PLPPR1: variants seen among roughly 807,000 people sequenced by gnomAD.
PLPPR1 encodes phospholipid phosphatase related 1, also known as phospholipid phosphatase-related protein type 1.
In PLPPR1, 10 loss-of-function variants were observed where a neutral mutation model predicts 33.1. The observed-to-expected ratio is 0.30, with a 90% confidence interval of 0.19 to 0.51. The LOEUF is 0.51. Among genes scored for constraint, PLPPR1 ranks in the 20% least tolerant of loss-of-function variants. The pLI is 0.97. For synonymous variants in PLPPR1, 151 were observed against 151.0 expected, an observed-to-expected ratio of 1.00 and a Z score of 0.00; for missense variants, 304 against 408.1, an observed-to-expected ratio of 0.74 and a Z score of 2.20.
intron 1 of PLPPR1, among the ~76,000 whole-genome samples, chr9:101,139,144 A>T (rs377096720): frequency 6.6e-6 from 1 of 152,206 alleles, no homozygotes; most frequent in Non-Finnish European, 1.5e-5. Context: ...ATGAAAAAAA[A>T]ACTACCCATT....
chr9:101,231,216 A>T (rs570408061), intron 2 of PLPPR1, among the ~76,000 whole-genome samples: 2 of 152,012 alleles, frequency 1.3e-5, no homozygotes, highest in South Asian at 4.1e-4. Flanking sequence ...CACCATGCCC[A>T]GTCCTTTCAC....
At chr9:101,172,346 T>G (rs1825954483) in intron 1 of PLPPR1, among the ~76,000 whole-genome samples, 2 of 109,706 alleles carry the variant, frequency 1.8e-5, no homozygotes, top group Non-Finnish European at 4.5e-5. Flanking sequence ...ACAGACACAC[T>G]AAAGGGGAAA....
At chr9:101,044,845 A>G (rs141976532) in intron 1 of PLPPR1, among the ~76,000 whole-genome samples, 203 of 152,320 alleles carry the variant, frequency 1.3e-3, no homozygotes, top group African/African-American at 4.6e-3. Flanking sequence ...TGGCATTCAT[A>G]CAGGGAATCT....
At chr9:101,285,909 C>A (rs894810406) in intron 3 of PLPPR1, among the ~76,000 whole-genome samples, 195 bp from the exon 4 acceptor site, 1 of 152,214 alleles carries the variant, frequency 6.6e-6, no homozygotes, top group Non-Finnish European at 1.5e-5. Flanking sequence ...GAAACTCTAT[C>A]TGAAATGATC....
chr9:101,121,182 A>G (rs913949676), intron 1 of PLPPR1, among the ~76,000 whole-genome samples: 9 of 152,240 alleles, frequency 5.9e-5, no homozygotes, highest in African/African-American at 4.8e-5. Flanking sequence ...AGCCAGCAGA[A>G]TAGTGCAATG....
intron 2 of PLPPR1, among the ~76,000 whole-genome samples, chr9:101,238,176 A>C (rs1827359982): frequency 7.3e-6 from 1 of 136,430 alleles, no homozygotes. Flanking sequence ...TATATACCCT[A>C]TATATATGCC....
chr9:101,280,123 C>T (rs1040048369), intron 3 of PLPPR1, among the ~76,000 whole-genome samples: 2 of 152,020 alleles, frequency 1.3e-5, no homozygotes, highest in African/African-American at 4.8e-5. Context: ...ACTGATACCA[C>T]AGAAATTAGA....
At chr9:101,038,029 A>G (rs1435858481) in intron 1 of PLPPR1, among the ~76,000 whole-genome samples, 2 of 152,080 alleles carry the variant, frequency 1.3e-5, no homozygotes, top group Non-Finnish European at 2.9e-5. Context: ...GAAAGTAAAT[A>G]TCACTCATAT....
intron 2 of PLPPR1, among the ~76,000 whole-genome samples, chr9:101,229,021 A>T (rs1827129788): frequency 6.8e-6 from 1 of 146,864 alleles, no homozygotes; most frequent in Non-Finnish European, 1.5e-5. Flanking sequence ...GATTCATCTG[A>T]CCATTCCTAT....
chr9:101,105,755 A>G (rs1830959171), intron 1 of PLPPR1, among the ~76,000 whole-genome samples: 1 of 49,822 alleles, frequency 2.0e-5, no homozygotes. Context: ...GGGGTGTTAA[A>G]GTCTCCCATT....
At chr9:101,177,430 C>G (rs1285147929) in intron 1 of PLPPR1, among the ~76,000 whole-genome samples, 1 of 152,112 alleles carries the variant, frequency 6.6e-6, no homozygotes, top group Admixed American at 6.5e-5. Flanking sequence ...TGTATAGAAA[C>G]AAAACTGATG....
In PLPPR1 at chr9:101,299,020, A is replaced by T. The variant is rs567763912; in HGVS notation, c.386-10191A>T. ...GCTCCATGTGCTGACCGAGAAGTTC[A>T]ATCTACCCAGGTAGTCTAAAGATAA... is the stretch of plus-strand genomic sequence containing the variant. On this transcript the variant is annotated intron_variant, in intron 4 of 7. Transcript: ENST00000374874. Among the ~76,000 whole-genome samples, 151 of 152,350 alleles carry T rather than the reference A, an allele frequency of 9.9e-4. 1 individual carries two copies. The highest frequency in any genetic ancestry group is 3.4e-3 in the Middle Eastern group (1 of 294).
intron 1 of PLPPR1, among the ~76,000 whole-genome samples, chr9:101,119,745 C>G (rs1309710843): frequency 6.6e-6 from 1 of 152,180 alleles, no homozygotes. Context: ...CAGAGGACCT[C>G]GAAGATAACC....
rs374356369 is a variant in PLPPR1, at chr9:101,269,966, T to C, written c.150T>C (p.Cys50=). The change falls in exon 3 of 8, where the codon TGT becomes TGC. Residue 50 remains cysteine (C), a synonymous_variant. Coordinates refer to ENST00000374874, the MANE Select transcript of PLPPR1 (RefSeq NM_207299.2). ...TFQVHIQGFF[C]QDGDLMKPYP... is the part of the protein sequence containing the mutation. Reference sequence around the variant, plus strand: ...AGGTGCATATCCAAGGATTCTTCTGTCAGGACGGAGACTTAATGAAGCCTT... The same window carrying C: ...AGGTGCATATCCAAGGATTCTTCTGCCAGGACGGAGACTTAATGAAGCCTT... The C allele has an allele frequency of 6.2e-7, 1 of 1,614,070 alleles. No individual in the cohort carries two copies. The highest frequency in any genetic ancestry group is 8.5e-7 in the Non-Finnish European group (1 of 1,180,022).
At chr9:101,256,958 T>C (rs1013083326) in intron 2 of PLPPR1, among the ~76,000 whole-genome samples, 3 of 152,120 alleles carry the variant, frequency 2.0e-5, no homozygotes, top group Admixed American at 2.0e-4. Flanking sequence ...CCCTCCCTTC[T>C]TCTTTCCAGT....
rs555838445 is a variant in PLPPR1, at chr9:101,088,619, T to C, written c.-46+59517T>C. 2.6e-5 allele frequency among the ~76,000 whole-genome samples: 4 copies of C among 152,304 alleles called. No individual in the cohort carries two copies. In the South Asian group the frequency reaches 8.3e-4, roughly 32 times the overall value. ...AATATTGAGCAACTGTTGATTTTCATGATAGCTATATCAGAACATCTTAAG... is the reference window on the plus strand; with the variant it reads ...AATATTGAGCAACTGTTGATTTTCACGATAGCTATATCAGAACATCTTAAG... On this transcript the variant is annotated intron_variant, in intron 1 of 7. Transcript: ENST00000374874.
At chr9:101,083,696 T>G (rs1364310362) in intron 1 of PLPPR1, among the ~76,000 whole-genome samples, 3 of 151,516 alleles carry the variant, frequency 2.0e-5, no homozygotes, top group African/African-American at 7.3e-5. Context: ...CAGTGTAGAT[T>G]CCTTTATCTA....
chr9:101,135,863 T>C (rs189659444), intron 1 of PLPPR1, among the ~76,000 whole-genome samples: 210 of 152,306 alleles, frequency 1.4e-3, no homozygotes, highest in African/African-American at 4.7e-3. Context: ...CAGCAGGCTC[T>C]CAATGAAGAA....
chr9:101,277,442 G>A (rs1184245970), intron 3 of PLPPR1, among the ~76,000 whole-genome samples: 3 of 152,158 alleles, frequency 2.0e-5, no homozygotes, highest in Non-Finnish European at 4.4e-5. Context: ...AAGGGTGAAG[G>A]CCCATGGGAT....
Sources: gnomAD v4.1 joint callset for allele counts (sites outside exome capture counted in the v4.1 genomes callset) on GRCh38, gnomAD v4.1.1 for gene constraint, MANE v1.5 for transcripts, NCBI Gene and HGNC (gene_info 2026-07-23, HGNC 2026-07-21) for gene names.